Variants in RNF166 observed in about 807,000 individuals in gnomAD.
RNF166 encodes the protein ring finger protein 166.
In RNF166, 19 loss-of-function variants were observed where a neutral mutation model predicts 29.4. That is an observed-to-expected ratio of 0.65 (90% CI 0.45 to 0.95). The LOEUF (loss-of-function observed/expected upper bound fraction) is 0.95, where lower values mean the gene tolerates loss of function less well. Among genes scored for constraint, RNF166 ranks in the 40% least tolerant of loss-of-function variants. RNF166 has a pLI of 0.00. For missense variants in RNF166, 347 were observed against 322.1 expected (o/e 1.08, Z -0.59); for synonymous variants, 171 against 134.5 (o/e 1.27, Z -1.88).
chr16:88,703,294 G>A lies in RNF166; in HGVS notation c.156-1876C>T, dbSNP rs192503136. The A allele has an allele frequency of 2.5e-5, 25 of 985,264 alleles. No homozygotes were observed. The East Asian group carries it at 1.6e-3, about 63-fold the overall frequency. The allele number at this position is 985,264 out of a possible 1,614,324, so 61.0% of individuals were successfully genotyped here. On this transcript the variant is annotated intron_variant, in intron 1 of 5. Transcript: ENST00000312838. ...AACACACTGGAAACGACTGGATGGTGCACCTCCTGAGTGAACCCTGAGCTG... is the reference window on the plus strand; with the variant it reads ...AACACACTGGAAACGACTGGATGGTACACCTCCTGAGTGAACCCTGAGCTG...
At chr16:88,701,233 G>A (rs1364578764) in intron 2 of RNF166, 29 bp downstream of exon 2, 1 of 1,609,916 alleles carries the variant, frequency 6.2e-7, no homozygotes, top group African/African-American at 1.3e-5. Context: ...AGTGACCCCG[G>A]CTCCAGGGCG....
At chr16:88,701,453 C>CTCG (rs748488103) in intron 1 of RNF166, 35 bp from the exon 2 acceptor site, 2 of 1,513,896 alleles carry the variant, frequency 1.3e-6, no homozygotes, top group Non-Finnish European at 1.8e-6. Context: ...CCAGCCCGCC[C>CTCG]CTCGGGTCTC....
chr16:88,698,432 C>T (rs752317337), intron 5 of RNF166, 70 bp downstream of exon 5: 41 of 1,252,192 alleles, frequency 3.3e-5, no homozygotes, highest in South Asian at 3.2e-4. Context: ...CTGAGGCTGG[C>T]GAGGGGCCCG....
Position 88,706,189 on chromosome 16 carries a change from A to C in RNF166, c.137T>G (p.Ile46Ser), listed in dbSNP as rs1910782486. 7.8e-7 allele frequency: 1 copy of C among 1,285,454 alleles called. No homozygotes were observed. The highest frequency in any genetic ancestry group is 9.9e-7 in the Non-Finnish European group (1 of 1,011,350). The allele number at this position is 1,285,454 out of a possible 1,614,324, so 79.6% of individuals were successfully genotyped here. The change falls in exon 1 of 6, where the codon ATC becomes AGC. Residue 46 changes from isoleucine (I) to serine (S), a missense_variant. Physicochemically the swap from Ile to Ser is moderately radical, Grantham distance 142 (BLOSUM62 -2). Coordinates refer to ENST00000312838, the MANE Select transcript of RNF166 (RefSeq NM_178841.4). Reference sequence around the variant, plus strand: ...CGCTCACGTGTGGCCGCAGCTGCCGATGGCCACGGGCCGGTGATAGACCTC... The same window carrying C: ...CGCTCACGTGTGGCCGCAGCTGCCGCTGGCCACGGGCCGGTGATAGACCTC... ...CLEVYHRPVA[I>S]GSCGHTFCGE... is the part of the protein sequence containing the mutation.
chr16:88,703,093 G>C (rs1350751330), intron 1 of RNF166: 2 of 985,476 alleles, frequency 2.0e-6, no homozygotes, highest in Non-Finnish European at 2.4e-6. Context: ...GTGCAGGGCA[G>C]ACAGCAAGCA....
intron 1 of RNF166, chr16:88,703,007 G>A (rs1004527953): frequency 8.3e-5 from 82 of 985,252 alleles, no homozygotes; most frequent in Non-Finnish European, 9.4e-5. Flanking sequence ...ACGGCGTGGC[G>A]TGCACACCCA....
chr16:88,701,172 G>C (rs1910184027), intron 2 of RNF166, 90 bp downstream of exon 2: 1 of 1,516,156 alleles, frequency 6.6e-7, no homozygotes. Flanking sequence ...GAAAGAGAGA[G>C]GGCCCCGGCC....
In RNF166 at chr16:88,697,511, G is replaced by A. The variant is rs1030417394; in HGVS notation, c.*57C>T. ...GCGCTCCCGAGCAGGTGCCAGGTGC[G>A]ACACAGGAGCGGGGACATCCCTGAC... On this transcript the variant is annotated 3_prime_UTR_variant, in exon 6 of 6. Transcript: ENST00000312838. 253 of 1,330,562 alleles carry A rather than the reference G, an allele frequency of 1.9e-4. No individual in the cohort carries two copies. The highest frequency in any genetic ancestry group is 2.5e-4 in the Non-Finnish European group (242 of 951,662). The allele number at this position is 1,330,562 out of a possible 1,614,324, so 82.4% of individuals were successfully genotyped here. A position where few individuals can be genotyped will look rare whatever the true frequency, so the allele number is the denominator to read the frequency against.
Position 88,698,505 on chromosome 16 carries a change from A to G in RNF166, c.645T>C (p.Phe215=). The part of the protein sequence containing the change: ...LHRHKFSYDT[F]VDYSIDEEAA... ...ACGGTGCTGGCGGGATGCCTACCAC[A>G]AAGGTGTCGTAGGAGAACTTGTGTC... is the stretch of plus-strand genomic sequence containing the variant. The change falls in exon 5 of 6, where the codon TTT becomes TTC. Residue 215 remains phenylalanine, a synonymous_variant. Coordinates refer to ENST00000312838, the MANE Select transcript of RNF166 (RefSeq NM_178841.4). 1 of 1,565,562 alleles carries G rather than the reference A, an allele frequency of 6.4e-7. No homozygotes were observed. Among genetic ancestry groups the G allele is most frequent in the South Asian group, 1.2e-5 (1 of 85,230 alleles).
chr16:88,698,896 C>T (rs1054048528), intron 4 of RNF166, 75 bp downstream of exon 4: 1 of 1,204,128 alleles, frequency 8.3e-7, no homozygotes, highest in Non-Finnish European at 1.2e-6. Flanking sequence ...TCGCCGCGAG[C>T]AGGCTCCTGG....
Position 88,697,539 on chromosome 16 carries a change from C to T in RNF166, c.*29G>A. ...ACAGGAGCGGGGACATCCCTGACCC[C>T]AGACGCAGGCGGGTGGCTGCGCTTC... On this transcript the variant is annotated 3_prime_UTR_variant, in exon 6 of 6. Transcript: ENST00000312838. The T allele has an allele frequency of 1.3e-6, 2 of 1,532,062 alleles. No homozygotes were observed. Among genetic ancestry groups the T allele is most frequent in the South Asian group, 1.2e-5 (1 of 83,492 alleles). The allele number at this position is 1,532,062 out of a possible 1,614,324, so 94.9% of individuals were successfully genotyped here.
chr16:88,704,216 G>A (rs1174852506), intron 1 of RNF166: 7 of 985,344 alleles, frequency 7.1e-6, no homozygotes, highest in Non-Finnish European at 7.2e-6. Context: ...TAAACTTTCT[G>A]TGGTCATTTG....
At position 88,696,737 on chromosome 16, in the gene RNF166, G is replaced by A. The variant is rs994880866; in HGVS notation, c.*831C>T. 9.6e-5 allele frequency: 38 copies of A among 394,854 alleles called. No individual in the cohort carries two copies. The highest frequency in any genetic ancestry group is 1.7e-4 in the Non-Finnish European group (34 of 202,238). 24.5% of individuals were successfully genotyped at this position (394,854 alleles called of 1,614,324 possible). On this transcript the variant is annotated 3_prime_UTR_variant, in exon 6 of 6. Coordinates refer to ENST00000312838, the MANE Select transcript of RNF166 (RefSeq NM_178841.4). ...GGGTGGAGGAGGCCCCTTCTCTGCCGGCCCCGCCTCTGCTGGGAGCAGCCA... is the reference window on the plus strand; with the variant it reads ...GGGTGGAGGAGGCCCCTTCTCTGCCAGCCCCGCCTCTGCTGGGAGCAGCCA...
At chr16:88,703,420 A>G (rs568690748) in intron 1 of RNF166, 1 of 985,308 alleles carries the variant, frequency 1.0e-6, no homozygotes, top group Non-Finnish European at 1.2e-6. Context: ...AGGTGCCCAG[A>G]AGGTTGGCTG....
intron 2 of RNF166, chr16:88,699,952 G>A (rs886253958): frequency 2.4e-5 from 10 of 418,204 alleles, no homozygotes; most frequent in South Asian, 3.8e-5. Context: ...CAATCTGGCC[G>A]AGGGCAGAAA....
chr16:88,703,067 G>C lies in RNF166; in HGVS notation c.156-1649C>G, dbSNP rs78467536. The C allele has an allele frequency of 2.6e-5, 26 of 985,592 alleles. No individual in the cohort carries two copies. In the East Asian group the frequency reaches 2.8e-3, roughly 107 times the overall value. 61.1% of individuals were successfully genotyped at this position (985,592 alleles called of 1,614,324 possible). A position where few individuals can be genotyped will look rare whatever the true frequency, so the allele number is the denominator to read the frequency against. On this transcript the variant is annotated intron_variant, in intron 1 of 5. Coordinates refer to ENST00000312838, the MANE Select transcript of RNF166 (RefSeq NM_178841.4). ...AGGCGTGCAGCCCCACCACGCACCG[G>C]AAGGCCTGGAAAACAGTGCAGGGCA... is the stretch of plus-strand genomic sequence containing the variant.
chr16:88,701,158 A>G, intron 2 of RNF166, 104 bp downstream of exon 2: 2 of 1,448,286 alleles, frequency 1.4e-6, no homozygotes, highest in South Asian at 1.2e-5. Flanking sequence ...CGATTACTCA[A>G]CAGGAAAGAG....
At chr16:88,702,294 T>C (rs921498698) in intron 1 of RNF166, among the ~76,000 whole-genome samples, 7 of 152,148 alleles carry the variant, frequency 4.6e-5, no homozygotes, top group African/African-American at 1.4e-4. Flanking sequence ...TGAGGAGCAC[T>C]GTGGGGACAG....
intron 4 of RNF166, 45 bp downstream of exon 4, chr16:88,698,926 A>G: frequency 7.0e-7 from 1 of 1,418,802 alleles, no homozygotes; most frequent in Non-Finnish European, 9.7e-7. Flanking sequence ...TGTCCCCCAC[A>G]GGCCTCCCCT....
Sources: allele counts gnomAD v4.1 joint callset (sites outside exome capture counted in the v4.1 genomes callset), GRCh38; gene constraint gnomAD v4.1.1; transcripts MANE v1.5; gene names NCBI Gene and HGNC (gene_info 2026-07-23, HGNC 2026-07-21).